The following SLC13A1 variants were observed in gnomAD, a reference collection of about 807,000 sequenced individuals.
SLC13A1 encodes the protein solute carrier family 13 member 1, also known as Na(+)/sulfate cotransporter.
SLC13A1 carries 65 observed loss-of-function variants against 70.0 expected under a neutral mutation model. The ratio of observed to expected loss-of-function variants is 0.93; its 90% CI spans 0.76 to 1.14. SLC13A1 has a LOEUF of 1.14. Ranked by LOEUF, SLC13A1 falls within the 50% of genes most tolerant of loss-of-function variation. The pLI is 0.00. For synonymous variants in SLC13A1, 275 were observed against 250.5 expected (o/e 1.10, Z -0.92); for missense variants, 726 against 717.8 (o/e 1.01, Z -0.13).
intron 2 of SLC13A1, among the ~76,000 whole-genome samples, chr7:123,172,789 A>G (rs1285126458): frequency 2.0e-5 from 3 of 150,904 alleles, no homozygotes; most frequent in African/African-American, 5.0e-5. Flanking sequence ...TTAGGTACAT[A>G]ATCTTTTTTT....
At chr7:123,171,982 T>A (rs3779264) in intron 2 of SLC13A1, 78 bp from the exon 3 acceptor site, 63,943 of 1,351,184 alleles carry the variant, frequency 0.047, 1,748 homozygotes, top group East Asian at 0.069. Flanking sequence ...ATTATTATGC[T>A]GCTCTTAATT....
intron 1 of SLC13A1, among the ~76,000 whole-genome samples, chr7:123,184,928 C>T (rs1246008557): frequency 6.6e-6 from 1 of 151,950 alleles, no homozygotes; most frequent in Non-Finnish European, 1.5e-5. Context: ...TACTAAGTTA[C>T]ATTTCTGCAA....
At chr7:123,154,884 T>A (rs2462151) in intron 6 of SLC13A1, among the ~76,000 whole-genome samples, 92,524 of 151,880 alleles carry the variant, frequency 0.61, 28,397 homozygotes, top group African/African-American at 0.67. Context: ...ACTTAAGTCT[T>A]CCCTCTTATT....
chr7:123,134,416 C>A lies in SLC13A1; in HGVS notation c.926G>T (p.Gly309Val). The A allele has an allele frequency of 6.2e-7, 1 of 1,612,536 alleles. No individual in the cohort carries two copies. The highest frequency in any genetic ancestry group is 8.5e-7 in the Non-Finnish European group (1 of 1,179,202). Reference sequence around the variant, plus strand: ...ACATGAAATATTTACTTACTTGAATCCTAGGAAAAGCCACTGAAGCCAGAT... The same window carrying A: ...ACATGAAATATTTACTTACTTGAATACTAGGAAAAGCCACTGAAGCCAGAT... ...SWIWLQWLFL[G>V]FNFKEMFKCG... The change falls in exon 8 of 15, where the codon GGA (glycine) becomes GTA (valine). Residue 309 changes from glycine to valine, a missense_variant. Gly to Val is a moderately radical substitution (Grantham distance 109). Coordinates refer to ENST00000194130, the MANE Select transcript of SLC13A1 (RefSeq NM_022444.4).
At chr7:123,126,086 T>A (rs1033742126) in intron 10 of SLC13A1, among the ~76,000 whole-genome samples, 3 of 152,228 alleles carry the variant, frequency 2.0e-5, no homozygotes, top group Non-Finnish European at 4.4e-5. Context: ...AATTGATTTA[T>A]AACATCCTTC....
intron 12 of SLC13A1, among the ~76,000 whole-genome samples, chr7:123,121,966 T>C (rs186082926): frequency 2.3e-4 from 35 of 152,202 alleles, no homozygotes; most frequent in African/African-American, 7.5e-4. Flanking sequence ...CTGTAGACAT[T>C]TGGCTCTGTA....
intron 8 of SLC13A1, among the ~76,000 whole-genome samples, chr7:123,133,972 G>A (rs1314171841): frequency 6.6e-6 from 1 of 152,086 alleles, no homozygotes; most frequent in Non-Finnish European, 1.5e-5. Context: ...TGAGTAGCTG[G>A]GACCAGAGGC....
At chr7:123,170,622 T>TTTTTG (rs143459546) in intron 3 of SLC13A1, among the ~76,000 whole-genome samples, 3 of 150,896 alleles carry the variant, frequency 2.0e-5, no homozygotes, top group East Asian at 3.9e-4. Flanking sequence ...TTTTGGTTTT[T>TTTTTG]TTTGTTTGTT....
In SLC13A1 at chr7:123,115,579, A is replaced by T. The variant is rs201999568; in HGVS notation, c.1727T>A (p.Met576Lys). The T allele has an allele frequency of 8.7e-6, 14 of 1,613,906 alleles. No individual in the cohort carries two copies. In the Admixed American group the frequency reaches 2.0e-4, roughly 23 times the overall value. ...CGAAGGGTAAGTGTAGAGGTCAAAC[A>T]TGGGTACAATCCAAGTACATATGCC... ...MLGICTWIVP[M>K]FDLYTYPSWA... Residue 576 changes from methionine (M) to lysine (K), a missense_variant, in exon 15 of 15, where the codon ATG (methionine) becomes AAG (lysine). Coordinates refer to ENST00000194130, the MANE Select transcript of SLC13A1 (RefSeq NM_022444.4).
chr7:123,117,698 C>T, intron 13 of SLC13A1, 90 bp from the exon 14 acceptor site: 1 of 713,458 alleles, frequency 1.4e-6, no homozygotes, highest in Admixed American at 2.8e-5. Flanking sequence ...TAAGCCTTCC[C>T]AGAAGCATGT....
At chr7:123,147,424 G>C in intron 6 of SLC13A1, 114 bp from the exon 7 acceptor site, 2 of 1,249,372 alleles carry the variant, frequency 1.6e-6, no homozygotes, top group African/African-American at 1.5e-5. Context: ...AACTCCTGAT[G>C]TGATTGTATT....
chr7:123,182,280 A>G (rs1372589313), intron 1 of SLC13A1, among the ~76,000 whole-genome samples: 2 of 152,128 alleles, frequency 1.3e-5, no homozygotes, highest in Non-Finnish European at 2.9e-5. Context: ...AAGGTTGTGC[A>G]TTTTCTCTTA....
chr7:123,130,361 A>G (rs1793713925), intron 8 of SLC13A1, among the ~76,000 whole-genome samples: 1 of 152,248 alleles, frequency 6.6e-6, no homozygotes, highest in Non-Finnish European at 1.5e-5. Flanking sequence ...TGGTACATAT[A>G]CACTATGGAA....
chr7:123,137,819 T>C (rs184549671), intron 7 of SLC13A1, among the ~76,000 whole-genome samples: 4 of 152,262 alleles, frequency 2.6e-5, no homozygotes, highest in African/African-American at 4.8e-5. Context: ...ATGTATGGGG[T>C]ACATGAGATG....
intron 7 of SLC13A1, among the ~76,000 whole-genome samples, chr7:123,137,049 C>G (rs150877776): frequency 8.2e-4 from 125 of 152,016 alleles, no homozygotes; most frequent in African/African-American, 3.0e-3. Context: ...GTAGCCAGTC[C>G]GAAAGTATGC....
chr7:123,175,800 A>G (rs1795427678), intron 2 of SLC13A1, among the ~76,000 whole-genome samples: 1 of 152,212 alleles, frequency 6.6e-6, no homozygotes, highest in Non-Finnish European at 1.5e-5. Context: ...TAAATGCAGA[A>G]TTACTTAAAA....
intron 1 of SLC13A1, among the ~76,000 whole-genome samples, chr7:123,198,423 T>C (rs1796251661): frequency 7.7e-6 from 1 of 129,812 alleles, no homozygotes; most frequent in African/African-American, 2.7e-5. Context: ...TCTGTACGAA[T>C]TTGAGGGCTT....
intron 14 of SLC13A1, among the ~76,000 whole-genome samples, chr7:123,117,061 G>A (rs1433441789): frequency 6.6e-6 from 1 of 152,154 alleles, no homozygotes; most frequent in African/African-American, 2.4e-5. Flanking sequence ...TCATTCAGAG[G>A]AAATGTTGGT....
chr7:123,131,928 A>G (rs1793777992), intron 8 of SLC13A1, among the ~76,000 whole-genome samples: 2 of 152,164 alleles, frequency 1.3e-5, no homozygotes. Context: ...GTGCCATTTT[A>G]AAATAATGAC....
Sources: gnomAD v4.1 joint callset for allele counts (sites outside exome capture counted in the v4.1 genomes callset) on GRCh38, gnomAD v4.1.1 for gene constraint, MANE v1.5 for transcripts, NCBI Gene and HGNC (gene_info 2026-07-23, HGNC 2026-07-21) for gene names.